CHN2: variants seen among roughly 807,000 people sequenced by gnomAD.
CHN2 encodes chimerin 2.
In CHN2, 35 loss-of-function variants were observed where a neutral mutation model predicts 56.3. The ratio of observed to expected loss-of-function variants is 0.62; its 90% CI spans 0.47 to 0.82. The LOEUF is 0.82. Among genes scored for constraint, CHN2 ranks in the 40% least tolerant of loss-of-function variants. The probability of loss-of-function intolerance (pLI) is 0.00; values close to 1 mark genes in which losing one functional copy is unlikely to be tolerated. For synonymous variants in CHN2, 210 were observed against 212.8 expected (o/e 0.99, Z 0.12); for missense variants, 491 against 580.5 (o/e 0.85, Z 1.58).
intron 10 of CHN2, among the ~76,000 whole-genome samples, chr7:29,506,888 T>G (rs1185291781): frequency 6.6e-6 from 1 of 152,206 alleles, no homozygotes; most frequent in Non-Finnish European, 1.5e-5. Flanking sequence ...GATGTTCTCT[T>G]GTTTCAGATT....
intron 1 of CHN2, among the ~76,000 whole-genome samples, chr7:29,265,091 A>G (rs1265415052): frequency 6.6e-6 from 1 of 152,128 alleles, no homozygotes; most frequent in Non-Finnish European, 1.5e-5. Flanking sequence ...TAGAGTCTAG[A>G]GACTTTGAAG....
intron 6 of CHN2, among the ~76,000 whole-genome samples, chr7:29,430,728 GCTTAA>G (rs1481848704): frequency 6.8e-6 from 1 of 146,332 alleles, no homozygotes. Context: ...TTTAGGCCAA[GCTTAA>G]CTTAACAGAG....
At chr7:29,309,388 C>T (rs529960596) in intron 1 of CHN2, among the ~76,000 whole-genome samples, 1 of 152,230 alleles carries the variant, frequency 6.6e-6, no homozygotes, top group East Asian at 1.9e-4. Flanking sequence ...CATCCTAACT[C>T]TTCCCCCACC....
At chr7:29,154,640 C>T (rs915485617) in intron 2 of CHN2, among the ~76,000 whole-genome samples, 1 of 152,044 alleles carries the variant, frequency 6.6e-6, no homozygotes, top group African/African-American at 2.4e-5. Context: ...TTGAGACCAG[C>T]CTGGCCAACA....
At chr7:29,149,738 C>T (rs557144291) in intron 2 of CHN2, among the ~76,000 whole-genome samples, 19 of 152,176 alleles carry the variant, frequency 1.2e-4, no homozygotes, top group African/African-American at 4.3e-4. Context: ...GTTCTGGTAG[C>T]CCCAGGTGTT....
chr7:29,357,960 C>G (rs1193567604), intron 2 of CHN2, among the ~76,000 whole-genome samples: 1 of 152,180 alleles, frequency 6.6e-6, no homozygotes, highest in South Asian at 2.1e-4. Flanking sequence ...TGATGTCTAA[C>G]TCATTATATC....
At chr7:29,259,804 A>G (rs531677074) in intron 1 of CHN2, among the ~76,000 whole-genome samples, 9 of 152,326 alleles carry the variant, frequency 5.9e-5, no homozygotes, top group African/African-American at 2.2e-4. Flanking sequence ...TTCGCTATGT[A>G]TACATATATC....
chr7:29,438,827 G>T (rs376083639), intron 6 of CHN2, among the ~76,000 whole-genome samples: 1 of 152,262 alleles, frequency 6.6e-6, no homozygotes. Flanking sequence ...AACAACCTTT[G>T]TTGAGAGTAA....
chr7:29,176,933 A>G (rs978042172), intron 2 of CHN2, among the ~76,000 whole-genome samples: 98 of 152,318 alleles, frequency 6.4e-4, no homozygotes, highest in African/African-American at 2.4e-3. Context: ...GTTAACTTCT[A>G]AATGAATAGA....
At chr7:29,253,491 G>A (rs1253154772) in intron 1 of CHN2, among the ~76,000 whole-genome samples, 1 of 152,200 alleles carries the variant, frequency 6.6e-6, no homozygotes, top group African/African-American at 2.4e-5. Context: ...ATTCAGTGGT[G>A]CTCTGAACAA....
chr7:29,481,736 A>G (rs1291644738), intron 7 of CHN2, among the ~76,000 whole-genome samples: 1 of 98,858 alleles, frequency 1.0e-5, no homozygotes, highest in Non-Finnish European at 2.1e-5. Context: ...TGTTTTTTTG[A>G]TTTTTAGCAG....
chr7:29,480,759 T>C (rs1230166749), intron 7 of CHN2, among the ~76,000 whole-genome samples: 1 of 152,198 alleles, frequency 6.6e-6, no homozygotes, highest in Non-Finnish European at 1.5e-5. Context: ...GTTGCCTGTT[T>C]CTCGTTTTGT....
chr7:29,436,223 C>CAG (rs1277719482), intron 6 of CHN2, among the ~76,000 whole-genome samples: 4 of 152,124 alleles, frequency 2.6e-5, no homozygotes, highest in Non-Finnish European at 5.9e-5. Flanking sequence ...CTGCATCTCT[C>CAG]AGCAGCTCCC....
chr7:29,487,599 C>T lies in CHN2; in HGVS notation c.654+7243C>T, dbSNP rs533175672. Among the ~76,000 whole-genome samples the T allele has an allele frequency of 1.3e-4, 20 of 152,236 alleles. 2 individuals carry two copies. Among genetic ancestry groups the T allele is most frequent in the African/African-American group, 4.8e-4 (20 of 41,528 alleles). On this transcript the variant is annotated intron_variant, in intron 7 of 12. Coordinates refer to ENST00000222792, the MANE Select transcript of CHN2 (RefSeq NM_004067.4). The stretch of plus-strand genomic sequence containing the variant: ...CTCAGAACTCAGGGACGGGTGGAAA[C>T]AGGAACTGGGAGTATACCTGGAGCC...
At chr7:29,445,694 CTTG>C (rs1783983988) in intron 6 of CHN2, among the ~76,000 whole-genome samples, 2 of 151,186 alleles carry the variant, frequency 1.3e-5, no homozygotes, top group African/African-American at 4.9e-5. Flanking sequence ...GTTGGGGGTT[CTTG>C]TTTTTTTTTC....
intron 3 of CHN2, among the ~76,000 whole-genome samples, chr7:29,379,084 T>C (rs1800295147): frequency 6.6e-6 from 1 of 152,198 alleles, no homozygotes; most frequent in Non-Finnish European, 1.5e-5. Flanking sequence ...ACTACATAAA[T>C]GTTAGTGGAA....
chr7:29,462,811 A>G (rs1232276488), intron 6 of CHN2, among the ~76,000 whole-genome samples: 1 of 151,724 alleles, frequency 6.6e-6, no homozygotes, highest in Non-Finnish European at 1.5e-5. Context: ...TATGTGCACA[A>G]CGTGCAGGTT....
intron 1 of CHN2, among the ~76,000 whole-genome samples, chr7:29,195,649 T>TGTGTGAGAGAGA (rs1554358914): frequency 2.3e-5 from 3 of 130,732 alleles, no homozygotes; most frequent in African/African-American, 8.5e-5. Flanking sequence ...TGTGTGTGTG[T>TGTGTGAGAGAGA]GAGAGAGAGA....
intron 6 of CHN2, among the ~76,000 whole-genome samples, chr7:29,479,424 A>G (rs1393153213): frequency 6.6e-6 from 1 of 152,198 alleles, no homozygotes; most frequent in African/African-American, 2.4e-5. Context: ...TTATTCTGCA[A>G]CTTTGCAGAA....
Sources: allele counts gnomAD v4.1 joint callset (sites outside exome capture counted in the v4.1 genomes callset), GRCh38; gene constraint gnomAD v4.1.1; transcripts MANE v1.5; gene names NCBI Gene and HGNC (gene_info 2026-07-23, HGNC 2026-07-21).